Variants in CCNC observed in about 807,000 individuals in gnomAD.
CCNC encodes cyclin C, also known as cyclin-C.
A neutral mutation model predicts 50.0 loss-of-function variants in CCNC; 19 were observed. The ratio of observed to expected loss-of-function variants is 0.38; its 90% CI spans 0.27 to 0.56. The LOEUF (loss-of-function observed/expected upper bound fraction) is 0.56. Ranked by LOEUF, CCNC falls within the 20% of genes least tolerant of loss-of-function variation. The probability of loss-of-function intolerance (pLI) is 0.72; values close to 1 mark genes in which losing one functional copy is unlikely to be tolerated. For synonymous variants in CCNC, 93 were observed against 103.7 expected, an observed-to-expected ratio of 0.90 and a Z score of 0.63; for missense variants, 200 against 327.1, an observed-to-expected ratio of 0.61 and a Z score of 3.00.
intron 11 of CCNC, among the ~76,000 whole-genome samples, chr6:99,544,849 C>A (rs567111820): frequency 6.6e-4 from 100 of 151,860 alleles, no homozygotes; most frequent in African/African-American, 2.3e-3. Flanking sequence ...ATTCTGTCAG[C>A]TTTAAATTTA....
At chr6:99,566,811 C>A in intron 1 of CCNC, 6 of 283,422 alleles carry the variant, frequency 2.1e-5, no homozygotes, top group South Asian at 1.9e-4. Flanking sequence ...ATGCTGATTT[C>A]AAAGATGTTA....
chr6:99,558,292 A>T, intron 5 of CCNC: 1 of 611,900 alleles, frequency 1.6e-6, no homozygotes, highest in Non-Finnish European at 2.5e-6. Flanking sequence ...TTTTAACATT[A>T]AAAGTAATAT....
At chr6:99,544,214 G>T (rs1467296336) in intron 11 of CCNC, 1 of 1,533,946 alleles carries the variant, frequency 6.5e-7, no homozygotes, top group Non-Finnish European at 8.7e-7. Flanking sequence ...GCCTTATCTT[G>T]TCCACCATCA....
chr6:99,563,865 AT>A (rs1768978089), intron 1 of CCNC, among the ~76,000 whole-genome samples: 1 of 152,094 alleles, frequency 6.6e-6, no homozygotes, highest in Admixed American at 6.6e-5. Flanking sequence ...ATGCTGTGCT[AT>A]TTTAGACACA....
At position 99,551,040 on chromosome 6, in the gene CCNC, A is replaced by G. The variant is rs1179457769; in HGVS notation, c.403-12T>C. The G allele has an allele frequency of 1.3e-5, 14 of 1,085,446 alleles. No homozygotes were observed. The highest frequency in any genetic ancestry group is 1.8e-5 in the Non-Finnish European group (14 of 792,600). The allele number at this position is 1,085,446 out of a possible 1,614,324, so 67.2% of individuals were successfully genotyped here. On this transcript the variant is annotated splice_polypyrimidine_tract_variant and intron_variant, in intron 6 of 11. Transcript: ENST00000520429. ...TCACATTCTAATATCTGTTTAAAACAAAGATTATCAATGAAATGTCAATAT... is the reference window on the plus strand; with the variant it reads ...TCACATTCTAATATCTGTTTAAAACGAAGATTATCAATGAAATGTCAATAT...
intron 9 of CCNC, among the ~76,000 whole-genome samples, chr6:99,547,305 T>TA (rs1209702600): frequency 6.6e-6 from 1 of 151,618 alleles, no homozygotes; most frequent in Non-Finnish European, 1.5e-5. Flanking sequence ...AAGAAGAGGT[T>TA]AAAAAAAACC....
At chr6:99,558,316 TAAA>T (rs548137192) in intron 5 of CCNC, 178 bp downstream of exon 5, 6 of 822,212 alleles carry the variant, frequency 7.3e-6, no homozygotes, top group Non-Finnish European at 5.1e-6. Flanking sequence ...TATATCTTTT[TAAA>T]AAAAAACCTT....
At chr6:99,552,902 T>G (rs954915495) in intron 5 of CCNC, among the ~76,000 whole-genome samples, 1 of 151,550 alleles carries the variant, frequency 6.6e-6, no homozygotes, top group African/African-American at 2.4e-5. Context: ...ATTAGGCGAG[T>G]GTAGTGGCAT....
chr6:99,544,978 A>C (rs1041851918), intron 11 of CCNC, 134 bp downstream of exon 11: 1 of 578,890 alleles, frequency 1.7e-6, no homozygotes, highest in African/African-American at 1.9e-5. Context: ...CACAAATTTA[A>C]AAAATAAAAT....
Position 99,546,449 on chromosome 6 carries a change from T to G in CCNC, c.624A>C (p.Val208=). 1 of 1,613,362 alleles carries G rather than the reference T, an allele frequency of 6.2e-7. No individual in the cohort carries two copies. The highest frequency in any genetic ancestry group is 8.5e-7 in the Non-Finnish European group (1 of 1,179,360). The change falls in exon 10 of 12, where the codon GTA becomes GTC. Residue 208 remains valine (V), a synonymous_variant. Transcript: ENST00000520429. ...ACCATTGCCTGGCATCTTTCTGCTGTACAACACAGGCTACATGTAGGCAAG... is the reference window on the plus strand; with the variant it reads ...ACCATTGCCTGGCATCTTTCTGCTGGACAACACAGGCTACATGTAGGCAAG... ...ALACLHVACV[V]QQKDARQWFA...
chr6:99,564,988 A>G (rs1769058001), intron 1 of CCNC, among the ~76,000 whole-genome samples: 1 of 152,130 alleles, frequency 6.6e-6, no homozygotes, highest in African/African-American at 2.4e-5. Context: ...GTGCTAAGGT[A>G]TTTCCTGATT....
intron 1 of CCNC, among the ~76,000 whole-genome samples, chr6:99,564,488 G>A (rs905293435): frequency 1.3e-5 from 2 of 150,818 alleles, no homozygotes; most frequent in African/African-American, 4.9e-5. Flanking sequence ...GTAACTTAAA[G>A]GCAAAGTAGT....
intron 5 of CCNC, among the ~76,000 whole-genome samples, chr6:99,556,708 G>A (rs761299956): frequency 4.6e-5 from 7 of 152,170 alleles, no homozygotes; most frequent in Non-Finnish European, 7.4e-5. Context: ...GAGGCCTGAG[G>A]TGAGGAGTTT....
chr6:99,549,473 A>T, intron 9 of CCNC, 35 bp downstream of exon 9: 1 of 1,428,778 alleles, frequency 7.0e-7, no homozygotes, highest in Non-Finnish European at 9.9e-7. Flanking sequence ...AGTTTATAAC[A>T]ATTTAACTCA....
chr6:99,551,010 A>G lies in CCNC; in HGVS notation c.421T>C (p.Tyr141His). The G allele has an allele frequency of 9.0e-7, 1 of 1,106,806 alleles. No homozygotes were observed. Among genetic ancestry groups the G allele is most frequent in the Non-Finnish European group, 1.3e-6 (1 of 796,190 alleles). 68.6% of individuals were successfully genotyped at this position (1,106,806 alleles called of 1,614,324 possible). Residue 141 changes from tyrosine (Y) to histidine (H), a missense_variant, in exon 7 of 12, where the codon TAT becomes CAT. Physicochemically the swap from Tyr to His is moderately conservative, Grantham distance 83. Transcript: ENST00000520429. ...RMNHILECEF[Y>H]LLELMDCCLI... is the part of the protein sequence containing the mutation. ...TTACTTACCATTAGTTCTAACAGATAGAATTCACATTCTAATATCTGTTTA... is the reference window on the plus strand; with the variant it reads ...TTACTTACCATTAGTTCTAACAGATGGAATTCACATTCTAATATCTGTTTA...
At chr6:99,561,921 G>GA in intron 2 of CCNC, 1 of 260,276 alleles carries the variant, frequency 3.8e-6, no homozygotes, top group Middle Eastern at 1.2e-3. Context: ...TGCCCCACAG[G>GA]AAAAAATTAT....
chr6:99,551,116 T>G lies in CCNC; in HGVS notation c.403-88A>C, dbSNP rs1016919663. 6 of 655,120 alleles carry G rather than the reference T, an allele frequency of 9.2e-6. No homozygotes were observed. The African/African-American group carries it at 1.1e-4, about 12-fold the overall frequency. 40.6% of individuals were successfully genotyped at this position (655,120 alleles called of 1,614,324 possible). A position where few individuals can be genotyped will look rare whatever the true frequency, so the allele number is the denominator to read the frequency against. ...AATCTAACATAAATTACAGACATTATAGTAATTTATCAAAAATTTTTACTA... is the reference window on the plus strand; with the variant it reads ...AATCTAACATAAATTACAGACATTAGAGTAATTTATCAAAAATTTTTACTA... On this transcript the variant is annotated intron_variant, in intron 6 of 11. Coordinates refer to ENST00000520429, the MANE Select transcript of CCNC (RefSeq NM_005190.4).
At chr6:99,565,860 T>A in intron 1 of CCNC, among the ~76,000 whole-genome samples, 1 of 152,088 alleles carries the variant, frequency 6.6e-6, no homozygotes, top group East Asian at 1.9e-4. Flanking sequence ...TTTACAATGT[T>A]TGCATTAATA....
upstream of CCNC, chr6:99,568,682 C>T: frequency 6.7e-7 from 1 of 1,483,366 alleles, no homozygotes; most frequent in Non-Finnish European, 8.9e-7. Context: ...GAGGATGGCC[C>T]CCTAGTCTCC....
Sources: gnomAD v4.1 joint callset for allele counts (sites outside exome capture counted in the v4.1 genomes callset) on GRCh38, gnomAD v4.1.1 for gene constraint, MANE v1.5 for transcripts, NCBI Gene and HGNC (gene_info 2026-07-23, HGNC 2026-07-21) for gene names.